The following CPXM2 variants were observed in gnomAD, a reference collection of about 807,000 sequenced individuals.
CPXM2 encodes the protein carboxypeptidase X, M14 family member 2.
A neutral mutation model predicts 86.1 loss-of-function variants in CPXM2; 66 were observed. That is an observed-to-expected ratio of 0.77 (90% CI 0.63 to 0.94). CPXM2 has a LOEUF of 0.94. CPXM2 is among the 40% of genes least tolerant of loss of function. CPXM2 has a pLI of 0.00. For synonymous variants in CPXM2, 388 were observed against 400.2 expected (o/e 0.97, Z 0.36); for missense variants, 948 against 1,026.3 (o/e 0.92, Z 1.04).
At chr10:123,814,137 G>T (rs912462494) in intron 4 of CPXM2, among the ~76,000 whole-genome samples, 2 of 152,200 alleles carry the variant, frequency 1.3e-5, no homozygotes, top group Non-Finnish European at 2.9e-5. Flanking sequence ...GTGTCAACTT[G>T]ATCGGCTTGA....
intron 13 of CPXM2, among the ~76,000 whole-genome samples, chr10:123,753,743 C>A (rs771930834): frequency 2.5e-4 from 38 of 152,176 alleles, no homozygotes; most frequent in Non-Finnish European, 5.0e-4. Flanking sequence ...CTTACAATTT[C>A]TTTTCTTCCA....
At chr10:123,897,733 A>G (rs1945348949) in intron 2 of CPXM2, among the ~76,000 whole-genome samples, 1 of 152,254 alleles carries the variant, frequency 6.6e-6, no homozygotes, top group South Asian at 2.1e-4. Context: ...AAAGACAAGA[A>G]GCAAAATCAT....
intron 3 of CPXM2, chr10:123,843,165 T>C (rs1848420945): frequency 2.5e-5 from 9 of 362,438 alleles, no homozygotes; most frequent in South Asian, 1.7e-4. Context: ...TTGCCCAGGC[T>C]GGCCTCAGAC....
chr10:123,799,250 C>A (rs1425799215), intron 4 of CPXM2, 51 bp from the exon 5 acceptor site: 1 of 1,606,564 alleles, frequency 6.2e-7, no homozygotes, highest in South Asian at 1.1e-5. Flanking sequence ...AATGTTTGTT[C>A]TTCCATGAAG....
At chr10:123,785,719 G>T (rs192658952) in intron 6 of CPXM2, among the ~76,000 whole-genome samples, 54 of 149,304 alleles carry the variant, frequency 3.6e-4, no homozygotes, top group Admixed American at 2.4e-3. Flanking sequence ...TGCAAGCTCC[G>T]CCTCCCGGGT....
At chr10:123,870,171 G>A (rs1226481040) in intron 2 of CPXM2, among the ~76,000 whole-genome samples, 3 of 143,978 alleles carry the variant, frequency 2.1e-5, no homozygotes, top group Non-Finnish European at 4.5e-5. Flanking sequence ...ACTCAGGGAT[G>A]CCGAACACAG....
chr10:123,872,326 A>G (rs1944908233), intron 2 of CPXM2, among the ~76,000 whole-genome samples: 1 of 152,222 alleles, frequency 6.6e-6, no homozygotes, highest in African/African-American at 2.4e-5. Flanking sequence ...ATAGTCATGC[A>G]CTAGAATACT....
chr10:123,881,471 G>A (rs1004163195), intron 1 of CPXM2, among the ~76,000 whole-genome samples: 4 of 152,036 alleles, frequency 2.6e-5, no homozygotes, highest in Non-Finnish European at 5.9e-5. Context: ...AGGAAGGGAA[G>A]CAGGATGGGG....
At chr10:123,894,083 T>C (rs1945314352), upstream of CPXM2, among the ~76,000 whole-genome samples, 2 of 152,226 alleles carry the variant, frequency 1.3e-5, no homozygotes, top group Non-Finnish European at 2.9e-5. Flanking sequence ...CACAGGATCC[T>C]GAGGCCCAGA....
intron 6 of CPXM2, among the ~76,000 whole-genome samples, chr10:123,795,514 C>G (rs1225588992): frequency 6.6e-6 from 1 of 152,108 alleles, no homozygotes; most frequent in Admixed American, 6.5e-5. Context: ...GTTTAAACCA[C>G]GAGGTCACCT....
At chr10:123,856,805 T>G (rs1848733384) in intron 3 of CPXM2, among the ~76,000 whole-genome samples, 1 of 152,320 alleles carries the variant, frequency 6.6e-6, no homozygotes, top group South Asian at 2.1e-4. Flanking sequence ...TTGGCCAGGC[T>G]GGTCTTGAAT....
At chr10:123,786,925 G>GC (rs1361208989) in intron 6 of CPXM2, among the ~76,000 whole-genome samples, 1 of 152,120 alleles carries the variant, frequency 6.6e-6, no homozygotes, top group Non-Finnish European at 1.5e-5. Flanking sequence ...GTGCCAACCT[G>GC]CCCCCCTTCT....
intron 2 of CPXM2, among the ~76,000 whole-genome samples, chr10:123,914,747 A>G (rs1398160599): frequency 1.3e-5 from 2 of 152,006 alleles, no homozygotes; most frequent in African/African-American, 4.8e-5. Flanking sequence ...ATTCCCCAAG[A>G]TTTCACTGCC....
intron 2 of CPXM2, among the ~76,000 whole-genome samples, chr10:123,917,339 T>A (rs1157912792): frequency 6.6e-6 from 1 of 152,204 alleles, no homozygotes; most frequent in Non-Finnish European, 1.5e-5. Flanking sequence ...AATAATTAAA[T>A]TACATAGTCA....
intron 7 of CPXM2, among the ~76,000 whole-genome samples, chr10:123,779,636 T>G (rs1024010968): frequency 6.6e-6 from 1 of 152,154 alleles, no homozygotes; most frequent in African/African-American, 2.4e-5. Flanking sequence ...GATTCCAATA[T>G]GCAACCAAGA....
chr10:123,768,855 A>G, intron 8 of CPXM2, 133 bp from the exon 9 acceptor site: 1 of 721,610 alleles, frequency 1.4e-6, no homozygotes, highest in Non-Finnish European at 2.2e-6. Context: ...TGTTCTTTCA[A>G]ACAAACCTCT....
chr10:123,866,463 G>A (rs1590082307), intron 2 of CPXM2, among the ~76,000 whole-genome samples: 1 of 152,098 alleles, frequency 6.6e-6, no homozygotes, highest in African/African-American at 2.4e-5. Context: ...TACTCGGGAC[G>A]GCGAGGCAGG....
chr10:123,768,804 G>A (rs1047879737), intron 8 of CPXM2, 82 bp from the exon 9 acceptor site: 28 of 1,217,852 alleles, frequency 2.3e-5, no homozygotes, highest in Non-Finnish European at 2.8e-5. Context: ...GTGTTGGGGG[G>A]AAAGTCTTGA....
intron 4 of CPXM2, among the ~76,000 whole-genome samples, chr10:123,819,050 T>G (rs1316916379): frequency 1.3e-5 from 2 of 151,128 alleles, no homozygotes; most frequent in African/African-American, 4.8e-5. Context: ...ACAATTCCAT[T>G]AAACTGGAAG....
Sources: gnomAD v4.1 joint callset for allele counts (sites outside exome capture counted in the v4.1 genomes callset) on GRCh38, gnomAD v4.1.1 for gene constraint, MANE v1.5 for transcripts, NCBI Gene and HGNC (gene_info 2026-07-23, HGNC 2026-07-21) for gene names.